The following DOCK2 variants were observed in gnomAD, a reference collection of about 807,000 sequenced individuals.
DOCK2 encodes the protein dedicator of cytokinesis 2.
DOCK2 carries 87 observed loss-of-function variants against 248.9 expected under a neutral mutation model. That is an observed-to-expected ratio of 0.35 (90% CI 0.29 to 0.42). The LOEUF (loss-of-function observed/expected upper bound fraction) is 0.42. DOCK2 is among the 10% of genes least tolerant of loss of function. The pLI is 1.00. For synonymous variants in DOCK2, 805 were observed against 821.6 expected, an observed-to-expected ratio of 0.98 and a Z score of 0.35; for missense variants, 1,747 against 2,300.2, an observed-to-expected ratio of 0.76 and a Z score of 4.92.
At chr5:169,835,177 T>C (rs928999810) in intron 26 of DOCK2, among the ~76,000 whole-genome samples, 10 of 151,648 alleles carry the variant, frequency 6.6e-5, no homozygotes, top group Admixed American at 6.6e-4. Context: ...AGCAAAATTA[T>C]ACCGTAAGTG....
At chr5:170,056,802 G>C (rs1757146754) in intron 43 of DOCK2, 34 bp downstream of exon 43, 2 of 1,581,332 alleles carry the variant, frequency 1.3e-6, no homozygotes, top group African/African-American at 1.3e-5. Flanking sequence ...TCATTCCCTG[G>C]AGCCACCTGG....
intron 27 of DOCK2, among the ~76,000 whole-genome samples, chr5:169,933,487 CATAA>C (rs1775854466): frequency 6.6e-6 from 1 of 152,340 alleles, no homozygotes; most frequent in African/African-American, 2.4e-5. Flanking sequence ...CAAGAGTCTG[CATAA>C]ATAAATTCAG....
At chr5:169,682,941 T>C (rs1003008458) in intron 7 of DOCK2, among the ~76,000 whole-genome samples, 5 of 152,224 alleles carry the variant, frequency 3.3e-5, no homozygotes, top group Non-Finnish European at 5.9e-5. Flanking sequence ...TTTTGAGGTT[T>C]ATGTTGTTGT....
intron 26 of DOCK2, among the ~76,000 whole-genome samples, chr5:169,803,841 A>G (rs1168947958): frequency 1.3e-5 from 2 of 152,208 alleles, no homozygotes; most frequent in Non-Finnish European, 2.9e-5. Context: ...AAGATAAGCC[A>G]GATGGGGTGG....
intron 45 of DOCK2, 78 bp downstream of exon 45, chr5:170,067,764 G>A: frequency 6.7e-7 from 1 of 1,496,968 alleles, no homozygotes; most frequent in Non-Finnish European, 9.1e-7. Flanking sequence ...GGCAGATGCA[G>A]GTACATGTCA....
Position 170,079,988 on chromosome 5 carries a change from C to T in DOCK2, c.5167-175C>T, listed in dbSNP as rs941876391. 4.5e-6 allele frequency: 5 copies of T among 1,100,430 alleles called. No individual in the cohort carries two copies. In the African/African-American group the frequency reaches 4.7e-5, roughly 10 times the overall value. The allele number at this position is 1,100,430 out of a possible 1,614,324, so 68.2% of individuals were successfully genotyped here. A position where few individuals can be genotyped will look rare whatever the true frequency, so the allele number is the denominator to read the frequency against. ...GTAGTTGTGTAGTGTGCAACCTGTG[C>T]AACCATATGTGGCAGGCTGGCATGG... On this transcript the variant is annotated intron_variant, in intron 49 of 51. Coordinates refer to ENST00000520908, the MANE Select transcript of DOCK2 (RefSeq NM_004946.3).
At chr5:169,807,603 C>T (rs368100276) in intron 26 of DOCK2, among the ~76,000 whole-genome samples, 26 of 152,004 alleles carry the variant, frequency 1.7e-4, no homozygotes, top group East Asian at 1.6e-3. Context: ...GAGGCCGAGG[C>T]GGGCGGATCA....
intron 27 of DOCK2, among the ~76,000 whole-genome samples, chr5:169,973,258 C>T (rs1408820656): frequency 6.6e-6 from 1 of 152,114 alleles, no homozygotes; most frequent in African/African-American, 2.4e-5. Context: ...ACTATAAATC[C>T]TCACCCACAA....
chr5:169,822,312 T>G (rs1188585346), intron 26 of DOCK2, among the ~76,000 whole-genome samples: 1 of 152,196 alleles, frequency 6.6e-6, no homozygotes, highest in Non-Finnish European at 1.5e-5. Context: ...CAACAGAATA[T>G]ACATTCTTTT....
At chr5:170,036,337 C>A (rs1756322513) in intron 35 of DOCK2, among the ~76,000 whole-genome samples, 178 bp from the exon 36 acceptor site, 1 of 152,192 alleles carries the variant, frequency 6.6e-6, no homozygotes, top group Non-Finnish European at 1.5e-5. Context: ...AAAGCAGAAT[C>A]TTCCAATTAG....
At chr5:169,699,910 G>A in intron 12 of DOCK2, 104 bp from the exon 13 acceptor site, 1 of 1,533,028 alleles carries the variant, frequency 6.5e-7, no homozygotes, top group Non-Finnish European at 8.8e-7. Context: ...GTATGACTCT[G>A]TTCCCAGTGA....
At chr5:169,847,802 T>G (rs1343889922) in intron 27 of DOCK2, among the ~76,000 whole-genome samples, 1 of 152,188 alleles carries the variant, frequency 6.6e-6, no homozygotes, top group Non-Finnish European at 1.5e-5. Context: ...ACTTGGGAAT[T>G]GATTAGTGCT....
intron 15 of DOCK2, 77 bp from the exon 16 acceptor site, chr5:169,711,858 G>A: frequency 2.7e-6 from 4 of 1,508,020 alleles, no homozygotes; most frequent in Non-Finnish European, 3.7e-6. Context: ...TCAGGCTGCT[G>A]TGGAAGTGTG....
chr5:169,675,484 G>A (rs1759279979), intron 6 of DOCK2, among the ~76,000 whole-genome samples: 1 of 152,186 alleles, frequency 6.6e-6, no homozygotes. Flanking sequence ...TTAGGAGTAA[G>A]CCACAAGTAA....
intron 27 of DOCK2, among the ~76,000 whole-genome samples, chr5:169,878,632 A>G (rs961515354): frequency 2.6e-5 from 4 of 152,216 alleles, no homozygotes; most frequent in African/African-American, 9.6e-5. Context: ...AGGTTATTGG[A>G]AGGATTGAAA....
At chr5:169,673,966 A>G (rs1421247697) in intron 5 of DOCK2, among the ~76,000 whole-genome samples, 1 of 152,208 alleles carries the variant, frequency 6.6e-6, no homozygotes. Context: ...CCAGCCTCAA[A>G]AGGCCTGAGC....
chr5:169,820,668 A>G (rs1187771797), intron 26 of DOCK2, among the ~76,000 whole-genome samples: 1 of 152,220 alleles, frequency 6.6e-6, no homozygotes, highest in African/African-American at 2.4e-5. Context: ...AAAGATGGGG[A>G]AAAAACAGAG....
intron 32 of DOCK2, among the ~76,000 whole-genome samples, chr5:170,014,890 A>G (rs1040213383): frequency 6.6e-6 from 1 of 152,154 alleles, no homozygotes; most frequent in Non-Finnish European, 1.5e-5. Context: ...ACATGATCCA[A>G]CTGGGGCTTT....
At chr5:169,983,883 C>G (rs545293426) in intron 28 of DOCK2, among the ~76,000 whole-genome samples, 58 of 152,284 alleles carry the variant, frequency 3.8e-4, no homozygotes, top group Non-Finnish European at 7.6e-4. Flanking sequence ...AATGCCCTAC[C>G]CTTTCATCCA....
Sources: gnomAD v4.1 joint callset for allele counts (sites outside exome capture counted in the v4.1 genomes callset) on GRCh38, gnomAD v4.1.1 for gene constraint, MANE v1.5 for transcripts, NCBI Gene and HGNC (gene_info 2026-07-23, HGNC 2026-07-21) for gene names.